The following NAV3 variants were observed in gnomAD, a reference collection of about 807,000 sequenced individuals.
NAV3 encodes the protein pore membrane and/or filament interacting like protein 1.
NAV3 carries 87 observed loss-of-function variants against 244.7 expected under a neutral mutation model. The observed-to-expected ratio is 0.36, with a 90% CI of 0.30 to 0.42. The LOEUF is 0.42. NAV3 is among the 20% of genes least tolerant of loss of function. NAV3 has a pLI of 1.00. For synonymous variants in NAV3, 1,126 were observed against 1,042.2 expected, an observed-to-expected ratio of 1.08 and a Z score of -1.55; for missense variants, 2,663 against 2,893.3, an observed-to-expected ratio of 0.92 and a Z score of 1.83.
At chr12:77,785,285 G>A (rs1370130322) in intron 2 of NAV3, among the ~76,000 whole-genome samples, 6 of 152,102 alleles carry the variant, frequency 3.9e-5, no homozygotes, top group Non-Finnish European at 8.8e-5. Flanking sequence ...CTCTGCCCAT[G>A]TGTTTCCTCT....
intron 2 of NAV3, among the ~76,000 whole-genome samples, chr12:77,691,140 G>T (rs1373716078): frequency 1.3e-5 from 2 of 150,454 alleles, no homozygotes; most frequent in Non-Finnish European, 3.0e-5. Flanking sequence ...AAAATTATAA[G>T]ATGGGATGTT....
intron 2 of NAV3, among the ~76,000 whole-genome samples, chr12:77,632,941 A>T: frequency 6.6e-6 from 1 of 152,154 alleles, no homozygotes; most frequent in African/African-American, 2.4e-5. Context: ...GTTAACTATT[A>T]TTGCAACTGG....
chr12:77,750,370 A>T (rs1436090128), intron 2 of NAV3, among the ~76,000 whole-genome samples: 1 of 151,982 alleles, frequency 6.6e-6, no homozygotes, highest in Non-Finnish European at 1.5e-5. Context: ...CAACAACAAA[A>T]ATACAAGAAC....
At chr12:77,713,276 C>G (rs1454693360) in intron 2 of NAV3, among the ~76,000 whole-genome samples, 1 of 152,158 alleles carries the variant, frequency 6.6e-6, no homozygotes, top group Non-Finnish European at 1.5e-5. Context: ...TTGTGTTTCT[C>G]TCCATTTATA....
intron 4 of NAV3, among the ~76,000 whole-genome samples, chr12:77,966,845 T>G (rs1892566858): frequency 6.6e-6 from 1 of 152,056 alleles, no homozygotes; most frequent in Non-Finnish European, 1.5e-5. Context: ...ATCACTAAAA[T>G]TGAAAGAGAG....
Position 78,137,263 on chromosome 12 carries a change from G to A in NAV3, c.4528G>A (p.Asp1510Asn), listed in dbSNP as rs200005671. ...NSIPAQDSSF[D>N]LYDDSQLCGS... is the part of the protein sequence containing the mutation. ...CATCCCAGCCCAAGACTCTTCCTTC[G>A]ATCTCTATGATGACTCCCAGCTTTG... Residue 1510 changes from aspartate to asparagine, a missense_variant, in exon 19 of 40, where the codon GAT (aspartate) becomes AAT (asparagine). This residue lies in a region of NAV3 where 354 missense variants were observed against 413.0 expected (regional missense o/e 0.86). Transcript: ENST00000397909. 451 of 1,613,618 alleles carry A rather than the reference G, an allele frequency of 2.8e-4. No homozygotes were observed. Among genetic ancestry groups the A allele is most frequent in the Non-Finnish European group, 3.6e-4 (430 of 1,179,752 alleles).
At chr12:77,984,348 G>A (rs1380806050) in intron 5 of NAV3, among the ~76,000 whole-genome samples, 2 of 152,196 alleles carry the variant, frequency 1.3e-5, no homozygotes, top group Non-Finnish European at 2.9e-5. Context: ...AACATCAAAA[G>A]TGGTAAGTGA....
chr12:77,599,578 C>T (rs750989916), intron 2 of NAV3, among the ~76,000 whole-genome samples: 1 of 151,584 alleles, frequency 6.6e-6, no homozygotes, highest in African/African-American at 2.4e-5. Context: ...AGGCTGAAAA[C>T]CATTCCAAGA....
chr12:77,876,505 A>G (rs1395611139), intron 1 of NAV3, among the ~76,000 whole-genome samples: 1 of 152,118 alleles, frequency 6.6e-6, no homozygotes, highest in South Asian at 2.1e-4. Context: ...TCAATACTGC[A>G]TACACATGTG....
At chr12:78,147,192 A>G (rs574121556) in intron 21 of NAV3, among the ~76,000 whole-genome samples, 3 of 152,118 alleles carry the variant, frequency 2.0e-5, no homozygotes, top group Admixed American at 2.0e-4. Flanking sequence ...TATTGATTAA[A>G]CCAATTTGTC....
chr12:77,742,867 C>T (rs1868364169), intron 2 of NAV3, among the ~76,000 whole-genome samples: 2 of 151,790 alleles, frequency 1.3e-5, no homozygotes, highest in South Asian at 4.2e-4. Context: ...CAGTCAATTG[C>T]AAATAAAAAA....
At chr12:77,931,640 G>C (rs548561382) in intron 1 of NAV3, among the ~76,000 whole-genome samples, 1 of 152,192 alleles carries the variant, frequency 6.6e-6, no homozygotes, top group Admixed American at 6.5e-5. Context: ...GCCCAGGCAG[G>C]CGGATCACAA....
chr12:77,575,997 A>G (rs1344458723), intron 2 of NAV3, among the ~76,000 whole-genome samples: 1 of 152,132 alleles, frequency 6.6e-6, no homozygotes, highest in African/African-American at 2.4e-5. Context: ...GAAATGTTTT[A>G]AGATTGGTAC....
chr12:78,049,330 T>A (rs1882370115), intron 9 of NAV3, among the ~76,000 whole-genome samples: 1 of 152,142 alleles, frequency 6.6e-6, no homozygotes, highest in African/African-American at 2.4e-5. Flanking sequence ...ACTCAGGCCC[T>A]TGGTGGTGTG....
chr12:78,088,942 T>C (rs1953778675), intron 12 of NAV3: 1 of 152,190 alleles, frequency 6.6e-6, no homozygotes, highest in Non-Finnish European at 1.5e-5. Flanking sequence ...TTAGTAATTT[T>C]AGCTTTGGAC....
intron 2 of NAV3, among the ~76,000 whole-genome samples, chr12:77,728,091 C>T (rs185432944): frequency 5.9e-5 from 9 of 151,894 alleles, no homozygotes; most frequent in Non-Finnish European, 7.4e-5. Context: ...CAAATGGCTA[C>T]GATTCCATCC....
chr12:78,120,024 GTA>G (rs992726075), intron 15 of NAV3, 79 bp downstream of exon 15: 9 of 1,034,366 alleles, frequency 8.7e-6, no homozygotes, highest in East Asian at 5.4e-5. Context: ...ATAAATGTGT[GTA>G]TATATATATT....
At chr12:77,876,565 T>C (rs1881877599) in intron 1 of NAV3, among the ~76,000 whole-genome samples, 2 of 152,084 alleles carry the variant, frequency 1.3e-5, no homozygotes, top group Non-Finnish European at 2.9e-5. Context: ...TGAATTGTAT[T>C]TGTAACATCA....
In NAV3 at chr12:78,159,065, A is replaced by T. The variant is rs577445406; in HGVS notation, c.4786-138A>T. 27 of 530,694 alleles carry T rather than the reference A, an allele frequency of 5.1e-5. No individual in the cohort carries two copies. In the East Asian group the frequency reaches 8.1e-4, roughly 16 times the overall value. 32.9% of individuals were successfully genotyped at this position (530,694 alleles called of 1,614,324 possible). On this transcript the variant is annotated intron_variant, in intron 22 of 39. Transcript: ENST00000397909. Reference sequence around the variant, plus strand: ...AAATGTGTGTTAAAGAAGAGTCACCAGTCAGAGCTAACTATGATAGTCATA... The same window carrying T: ...AAATGTGTGTTAAAGAAGAGTCACCTGTCAGAGCTAACTATGATAGTCATA...
Sources: allele counts gnomAD v4.1 joint callset (sites outside exome capture counted in the v4.1 genomes callset), GRCh38; gene constraint gnomAD v4.1.1; regional missense constraint gnomAD v4.1.1; transcripts MANE v1.5; gene names NCBI Gene and HGNC (gene_info 2026-07-23, HGNC 2026-07-21).